SS18L1: variants seen among roughly 807,000 people sequenced by gnomAD.
SS18L1 encodes calcium-responsive transactivator.
In SS18L1, 32 loss-of-function variants were observed where a neutral mutation model predicts 70.3. The observed-to-expected ratio is 0.46, with a 90% CI of 0.34 to 0.61. The LOEUF is 0.61. SS18L1 is among the 20% of genes least tolerant of loss of function. The pLI is 0.01. For synonymous variants in SS18L1, 237 were observed against 229.7 expected (o/e 1.03, Z -0.29); for missense variants, 430 against 542.1 (o/e 0.79, Z 2.05).
chr20:62,169,436 A>T (rs1019803470), intron 8 of SS18L1, among the ~76,000 whole-genome samples: 1 of 152,208 alleles, frequency 6.6e-6, no homozygotes, highest in African/African-American at 2.4e-5. Context: ...GTCCGTCTGT[A>T]TGTACCTTTG....
chr20:62,160,042 T>TCAGGTAGCAAAGATGA, intron 3 of SS18L1, 81 bp downstream of exon 3: 5 of 1,393,598 alleles, frequency 3.6e-6, no homozygotes, highest in Non-Finnish European at 4.9e-6. Context: ...GGGCATGTCA[T>TCAGGTAGCAAAGATGA]CTCAGGTAGC....
chr20:62,151,403 C>T (rs1025211244), intron 1 of SS18L1, among the ~76,000 whole-genome samples: 7 of 152,328 alleles, frequency 4.6e-5, no homozygotes, highest in East Asian at 1.9e-4. Flanking sequence ...TTGCCATGGC[C>T]GTGGCTTCCG....
At chr20:62,147,303 A>G (rs2145688076) in intron 1 of SS18L1, among the ~76,000 whole-genome samples, 1 of 152,294 alleles carries the variant, frequency 6.6e-6, no homozygotes, top group Middle Eastern at 3.4e-3. Context: ...CACAGAGGAC[A>G]TGACTGTGCT....
At chr20:62,171,307 T>C (rs6062107) in intron 8 of SS18L1, among the ~76,000 whole-genome samples, 26,511 of 152,122 alleles carry the variant, frequency 0.17, 2,519 homozygotes, top group South Asian at 0.27. Context: ...CACTCCCCCA[T>C]GTCTCAGATG....
chr20:62,175,637 T>G lies in SS18L1; in HGVS notation c.1164+993T>G, dbSNP rs549228518. On this transcript the variant is annotated intron_variant, in intron 10 of 10. Coordinates refer to ENST00000331758, the MANE Select transcript of SS18L1 (RefSeq NM_198935.3). Reference sequence around the variant, plus strand: ...TTGGTGACTCTGAGGTGGCTGGAGGTGTTAGGGACACTTTACACTGCCAGT... The same window carrying G: ...TTGGTGACTCTGAGGTGGCTGGAGGGGTTAGGGACACTTTACACTGCCAGT... Among the ~76,000 whole-genome samples the G allele has an allele frequency of 2.2e-4, 34 of 152,048 alleles. 1 individual carries two copies. In the South Asian group the frequency reaches 3.7e-3, roughly 17 times the overall value.
chr20:62,149,210 G>T (rs945410205), intron 1 of SS18L1, among the ~76,000 whole-genome samples: 72 of 152,242 alleles, frequency 4.7e-4, no homozygotes, highest in African/African-American at 1.7e-3. Context: ...AGCAGTTAGC[G>T]GGCTGGCGCT....
intron 10 of SS18L1, chr20:62,175,025 C>T: frequency 3.8e-6 from 3 of 783,730 alleles, no homozygotes; most frequent in Non-Finnish European, 4.6e-6. Flanking sequence ...AAGGTGGTCC[C>T]ACAGGGCCAG....
intron 10 of SS18L1, chr20:62,175,359 G>A (rs1054614922): frequency 1.0e-6 from 1 of 985,452 alleles, no homozygotes; most frequent in Non-Finnish European, 1.2e-6. Context: ...TTCCCTCTGA[G>A]TGGGATGGGG....
At chr20:62,144,262 C>T (rs144504742) in intron 1 of SS18L1, among the ~76,000 whole-genome samples, 13,840 of 151,776 alleles carry the variant, frequency 0.091, 1,104 homozygotes, top group African/African-American at 0.22. Context: ...CGCACGGGGA[C>T]CCCTCGGGGC....
chr20:62,176,725 C>T (rs926732256), intron 10 of SS18L1, among the ~76,000 whole-genome samples: 1 of 151,602 alleles, frequency 6.6e-6, no homozygotes, highest in African/African-American at 2.4e-5. Flanking sequence ...ATCGCTTGAA[C>T]CGGGAAGGCA....
At chr20:62,155,736 T>C (rs1407316957) in intron 1 of SS18L1, among the ~76,000 whole-genome samples, 1 of 152,152 alleles carries the variant, frequency 6.6e-6, no homozygotes, top group Non-Finnish European at 1.5e-5. Context: ...ATTTTAACAT[T>C]CCTGAGCCTT....
At chr20:62,175,445 C>T (rs1029695872) in intron 10 of SS18L1, 9 of 985,098 alleles carry the variant, frequency 9.1e-6, no homozygotes, top group Non-Finnish European at 1.1e-5. Flanking sequence ...ATGAGCCAGG[C>T]AAGGGAAGAG....
rs777680404 is a variant in SS18L1 at position 62,174,691 on chromosome 20, C to G, written c.1164+47C>G. On this transcript the variant is annotated intron_variant, in intron 10 of 10. Coordinates refer to ENST00000331758, the MANE Select transcript of SS18L1 (RefSeq NM_198935.3). This position sits in a 1 kb window ranked among gnomAD's most constrained non-coding sequence, Gnocchi z 4.1. The stretch of plus-strand genomic sequence containing the variant: ...AGATGTGCCCATCCGCCGCGCCTGT[C>G]GAGACATAATGAAGATTTCTCTTAT... 1.9e-6 allele frequency: 3 copies of G among 1,612,640 alleles called. No homozygotes were observed. The South Asian group carries it at 3.3e-5, about 18-fold the overall frequency.
chr20:62,178,672 A>G (rs2057662800), intron 10 of SS18L1, among the ~76,000 whole-genome samples: 1 of 152,074 alleles, frequency 6.6e-6, no homozygotes, highest in Non-Finnish European at 1.5e-5. Flanking sequence ...CTCACCCTCC[A>G]AGTATCTGGG....
At chr20:62,152,872 G>A (rs6062089) in intron 1 of SS18L1, among the ~76,000 whole-genome samples, 5,661 of 152,252 alleles carry the variant, frequency 0.037, 316 homozygotes, top group African/African-American at 0.12. Context: ...GCTGCCTGTC[G>A]GTGCATTTCC....
At chr20:62,146,604 C>CTTTTTTTTTTTTTTTTTTTTTT (rs1339898731) in intron 1 of SS18L1, among the ~76,000 whole-genome samples, 7 of 34,140 alleles carry the variant, frequency 2.1e-4, no homozygotes, top group Admixed American at 1.0e-3. Flanking sequence ...CTGCTTTGAT[C>CTTTTTTTTTTTTTTTTTTTTTT]ATTTTTTTTT....
intron 1 of SS18L1, among the ~76,000 whole-genome samples, chr20:62,150,334 T>C (rs945769451): frequency 2.6e-5 from 4 of 151,850 alleles, no homozygotes; most frequent in Admixed American, 6.6e-5. Context: ...TGCTGATGGG[T>C]CAGCGATGTC....
chr20:62,146,263 C>T (rs2057024451), intron 1 of SS18L1, among the ~76,000 whole-genome samples: 1 of 152,250 alleles, frequency 6.6e-6, no homozygotes, highest in Non-Finnish European at 1.5e-5. Flanking sequence ...GCTTGAGCTC[C>T]TGAGTTTGGC....
At chr20:62,154,205 A>T (rs528521996) in intron 1 of SS18L1, 173 of 487,416 alleles carry the variant, frequency 3.5e-4, no homozygotes, top group Non-Finnish European at 4.5e-4. Flanking sequence ...ATCATTAAGG[A>T]TTACTGGAAG....
Sources: allele counts gnomAD v4.1 joint callset (sites outside exome capture counted in the v4.1 genomes callset), GRCh38; gene constraint gnomAD v4.1.1; non-coding constraint Gnocchi (gnomAD v3.1); transcripts MANE v1.5; gene names NCBI Gene and HGNC (gene_info 2026-07-23, HGNC 2026-07-21).